Variants in TYW1 observed in about 807,000 individuals in gnomAD.
TYW1 encodes the protein S-adenosyl-L-methionine-dependent tRNA 4-demethylwyosine synthase TYW1.
TYW1 carries 46 observed loss-of-function variants against 96.2 expected under a neutral mutation model. The ratio of observed to expected loss-of-function variants is 0.48; its 90% CI spans 0.38 to 0.61. TYW1 has a LOEUF of 0.61. Ranked by LOEUF, TYW1 falls within the 20% of genes least tolerant of loss-of-function variation. The pLI is 0.00. For missense variants in TYW1, 684 were observed against 909.6 expected, an observed-to-expected ratio of 0.75 and a Z score of 3.19; for synonymous variants, 274 against 323.0, an observed-to-expected ratio of 0.85 and a Z score of 1.63.
At chr7:67,159,089 C>T (rs930666011) in intron 13 of TYW1, among the ~76,000 whole-genome samples, 2 of 152,038 alleles carry the variant, frequency 1.3e-5, no homozygotes, top group African/African-American at 4.8e-5. Context: ...TCTTGTTTTT[C>T]TACTTTCCTA....
chr7:67,184,643 TTTTATTTATG>T (rs1352350896), intron 14 of TYW1, among the ~76,000 whole-genome samples: 636 of 38,866 alleles, frequency 0.016, 3 homozygotes, highest in East Asian at 0.027. Flanking sequence ...TTTTATTTTA[TTTTATTTATG>T]TTATGTTATG....
At chr7:67,093,735 T>TA (rs1302580197) in intron 11 of TYW1, among the ~76,000 whole-genome samples, 2 of 152,174 alleles carry the variant, frequency 1.3e-5, no homozygotes, top group African/African-American at 4.8e-5. Context: ...AATACATTCT[T>TA]ACAATTGCAG....
At chr7:67,224,818 A>G (rs1298805343) in intron 15 of TYW1, among the ~76,000 whole-genome samples, 1 of 152,200 alleles carries the variant, frequency 6.6e-6, no homozygotes, top group Non-Finnish European at 1.5e-5. Context: ...GCCATAACTC[A>G]TTTAATCCTT....
chr7:67,189,850 G>A (rs1396386972), intron 14 of TYW1, among the ~76,000 whole-genome samples: 2 of 151,848 alleles, frequency 1.3e-5, no homozygotes, highest in African/African-American at 2.4e-5. Flanking sequence ...TTGTAAATTA[G>A]CATGTATCTT....
intron 6 of TYW1, among the ~76,000 whole-genome samples, chr7:67,022,789 T>G (rs918273003): frequency 1.3e-5 from 2 of 152,142 alleles, no homozygotes; most frequent in Non-Finnish European, 2.9e-5. Context: ...AACAATTTAT[T>G]TTGTCATCTG....
At chr7:67,142,724 G>A (rs992635135) in intron 13 of TYW1, among the ~76,000 whole-genome samples, 21 of 152,068 alleles carry the variant, frequency 1.4e-4, no homozygotes, top group African/African-American at 4.1e-4. Flanking sequence ...GAGCCACTGC[G>A]CCTGGCCAGC....
At chr7:67,142,369 A>G (rs1466057442) in intron 13 of TYW1, among the ~76,000 whole-genome samples, 1 of 152,024 alleles carries the variant, frequency 6.6e-6, no homozygotes, top group Admixed American at 6.6e-5. Context: ...CTCCCGAGGC[A>G]CTGGGATTAT....
intron 13 of TYW1, among the ~76,000 whole-genome samples, chr7:67,137,902 CAG>C (rs1798316951): frequency 6.6e-6 from 1 of 152,168 alleles, no homozygotes; most frequent in South Asian, 2.1e-4. Context: ...ATCTTAGCAG[CAG>C]AGAGAGGCCC....
chr7:67,198,774 G>T (rs1339943902), intron 15 of TYW1, among the ~76,000 whole-genome samples: 1 of 152,160 alleles, frequency 6.6e-6, no homozygotes, highest in Non-Finnish European at 1.5e-5. Flanking sequence ...AATCTAGGCA[G>T]ATACTATATT....
intron 13 of TYW1, among the ~76,000 whole-genome samples, chr7:67,164,221 A>T (rs540170371): frequency 6.6e-6 from 1 of 152,146 alleles, no homozygotes; most frequent in Non-Finnish European, 1.5e-5. Context: ...ATTCATTTAA[A>T]TTTTTTTGGT....
At chr7:67,187,290 C>T (rs1396191223) in intron 14 of TYW1, among the ~76,000 whole-genome samples, 2 of 152,090 alleles carry the variant, frequency 1.3e-5, no homozygotes, top group African/African-American at 4.8e-5. Flanking sequence ...TCTTGAACTC[C>T]TGAGCTCAGG....
Position 67,017,993 on chromosome 7 carries a change from C to T in TYW1, c.711C>T (p.Ile237=). The T allele has an allele frequency of 6.2e-7, 1 of 1,614,120 alleles. No homozygotes were observed. Among genetic ancestry groups the T allele is most frequent in the Non-Finnish European group, 8.5e-7 (1 of 1,180,030 alleles). Residue 237 remains isoleucine (I), a synonymous_variant, in exon 6 of 16, where the codon ATC becomes ATT. Transcript: ENST00000359626. ...TCAGAGCATGGAAGACCAAGTTCAT[C>T]TCCCAGCTGCAGGCACTTCAGAAAG... is the stretch of plus-strand genomic sequence containing the variant. ...ADFRAWKTKF[I]SQLQALQKGE...
chr7:67,219,330 G>C (rs931321481), intron 15 of TYW1, among the ~76,000 whole-genome samples: 38 of 152,002 alleles, frequency 2.5e-4, no homozygotes, highest in Non-Finnish European at 4.0e-4. Flanking sequence ...ATTCAAAAGT[G>C]ATATTCATAT....
intron 15 of TYW1, among the ~76,000 whole-genome samples, chr7:67,200,359 G>C (rs1216554415): frequency 6.6e-6 from 1 of 152,180 alleles, no homozygotes; most frequent in Non-Finnish European, 1.5e-5. Context: ...TAAAGGAAAA[G>C]AGGTTTAATG....
At chr7:67,204,346 A>G (rs1800698974) in intron 15 of TYW1, among the ~76,000 whole-genome samples, 1 of 151,704 alleles carries the variant, frequency 6.6e-6, no homozygotes, top group Non-Finnish European at 1.5e-5. Flanking sequence ...AGATTGATTC[A>G]TTCTGTCTTT....
chr7:67,126,780 A>G (rs1481938445), intron 13 of TYW1, among the ~76,000 whole-genome samples: 3 of 152,042 alleles, frequency 2.0e-5, no homozygotes, highest in African/African-American at 7.3e-5. Flanking sequence ...TCAGTTGACT[A>G]TATTTGTGTG....
chr7:67,156,901 C>G (rs1329662274), intron 13 of TYW1, among the ~76,000 whole-genome samples: 4 of 151,714 alleles, frequency 2.6e-5, no homozygotes, highest in African/African-American at 9.7e-5. Context: ...AGCTGAGGGA[C>G]TCTTCTGGGG....
chr7:67,069,375 A>G (rs187289186), intron 10 of TYW1, among the ~76,000 whole-genome samples: 1 of 152,274 alleles, frequency 6.6e-6, no homozygotes, highest in East Asian at 1.9e-4. Context: ...GCCCATTAAC[A>G]TAGATTTATA....
intron 9 of TYW1, among the ~76,000 whole-genome samples, chr7:67,058,843 T>G (rs944670760): frequency 6.6e-6 from 1 of 152,138 alleles, no homozygotes; most frequent in African/African-American, 2.4e-5. Context: ...ATGAATGATG[T>G]GAGGTAAAGG....
Sources: gnomAD v4.1 joint callset for allele counts (sites outside exome capture counted in the v4.1 genomes callset) on GRCh38, gnomAD v4.1.1 for gene constraint, MANE v1.5 for transcripts, NCBI Gene and HGNC (gene_info 2026-07-23, HGNC 2026-07-21) for gene names.